Variants in GABRG3 observed in about 807,000 individuals in gnomAD.
GABRG3 encodes the protein gamma-aminobutyric acid receptor subunit gamma-3.
In GABRG3, 25 loss-of-function variants were observed where a neutral mutation model predicts 48.8. That is an observed-to-expected ratio of 0.51 (90% confidence interval 0.37 to 0.72). The LOEUF is 0.72. Among genes scored for constraint, GABRG3 ranks in the 30% least tolerant of loss-of-function variants. The pLI, the probability that GABRG3 is intolerant of heterozygous loss-of-function variation, is 0.00. For missense variants in GABRG3, 394 were observed against 577.9 expected (o/e 0.68, Z 3.26); for synonymous variants, 227 against 217.6 (o/e 1.04, Z -0.38).
rs1200473359 is a variant in GABRG3, at chr15:27,307,846, C to CATAT, written c.271-18961_271-18960insATAT. Among the ~76,000 whole-genome samples the CATAT allele has an allele frequency of 8.4e-3, 1,034 of 122,810 alleles. 28 individuals are homozygous for CATAT. The highest frequency in any genetic ancestry group is 0.05 in the East Asian group (201 of 4,046). The allele number at this position is 122,810 out of a possible 152,430, so 80.6% of individuals were successfully genotyped here. A position where few individuals can be genotyped will look rare whatever the true frequency, so the allele number is the denominator to read the frequency against. ...TAAACATAAACATATATAAAATAAA[C>CATAT]ATGTTTATATATAAATATATATAAA... On this transcript the variant is annotated intron_variant, in intron 3 of 9. Transcript: ENST00000615808.
intron 3 of GABRG3, among the ~76,000 whole-genome samples, chr15:27,175,616 T>TC: frequency 6.6e-6 from 1 of 152,328 alleles, no homozygotes; most frequent in South Asian, 2.1e-4. Context: ...CATGAGGCTC[T>TC]CACGGGGACA....
intron 3 of GABRG3, among the ~76,000 whole-genome samples, chr15:27,226,355 A>G (rs1889615505): frequency 6.6e-6 from 1 of 152,148 alleles, no homozygotes. Context: ...GGAGGATGAC[A>G]TGAGCTTTGT....
At chr15:27,240,098 A>G (rs780860751) in intron 3 of GABRG3, among the ~76,000 whole-genome samples, 11 of 152,244 alleles carry the variant, frequency 7.2e-5, no homozygotes, top group Non-Finnish European at 1.5e-4. Context: ...AAACTTCAGT[A>G]TGGCAGCCTA....
intron 6 of GABRG3, among the ~76,000 whole-genome samples, chr15:27,512,211 T>C (rs1165981889): frequency 6.6e-6 from 1 of 152,224 alleles, no homozygotes; most frequent in Non-Finnish European, 1.5e-5. Context: ...ACAATTATTA[T>C]TATATTGCAA....
intron 6 of GABRG3, among the ~76,000 whole-genome samples, chr15:27,500,945 A>AACGT (rs1407000528): frequency 6.9e-6 from 1 of 144,072 alleles, no homozygotes; most frequent in African/African-American, 2.7e-5. Context: ...AATAGGAAGT[A>AACGT]ACGTATGTTT....
At chr15:27,527,655 C>T (rs1405924855) in intron 8 of GABRG3, 26 bp downstream of exon 8, 2 of 1,578,344 alleles carry the variant, frequency 1.3e-6, no homozygotes, top group Non-Finnish European at 8.6e-7. Context: ...AAAGGTTCTC[C>T]GGGAGGTAAT....
chr15:27,374,333 G>A (rs1312748013), intron 5 of GABRG3, among the ~76,000 whole-genome samples: 3 of 151,634 alleles, frequency 2.0e-5, no homozygotes, highest in African/African-American at 7.3e-5. Context: ...GTTTCACAGT[G>A]TTGCCCAGGC....
At position 27,538,639 on chromosome 15, in the gene GABRG3, T is replaced by G. The variant is rs1203359992; in HGVS notation, c.*5758T>G. The G allele has an allele frequency of 2.0e-5, 3 of 152,244 alleles. No individual in the cohort carries two copies. The highest frequency in any genetic ancestry group is 2.9e-5 in the Non-Finnish European group (2 of 68,054). 9.4% of individuals were successfully genotyped at this position (152,244 alleles called of 1,614,324 possible). A position where few individuals can be genotyped will look rare whatever the true frequency, so the allele number is the denominator to read the frequency against. On this transcript the variant is annotated 3_prime_UTR_variant, in exon 10 of 10. Coordinates refer to ENST00000615808, the MANE Select transcript of GABRG3 (RefSeq NM_033223.5). The stretch of plus-strand genomic sequence containing the variant: ...GAGCCTCTATGTCTGCCGAACAGTT[T>G]AAATTGAACAGGTTGGAAAGAACAT...
intron 5 of GABRG3, among the ~76,000 whole-genome samples, chr15:27,394,571 T>G (rs1404012967): frequency 6.6e-6 from 1 of 152,176 alleles, no homozygotes; most frequent in Non-Finnish European, 1.5e-5. Context: ...GGCTTCTGAT[T>G]ACTCTGTCTA....
At chr15:27,187,585 A>T (rs971571662) in intron 3 of GABRG3, among the ~76,000 whole-genome samples, 37 of 152,026 alleles carry the variant, frequency 2.4e-4, no homozygotes, top group African/African-American at 8.7e-4. Flanking sequence ...GATTTCTTTC[A>T]TCAACGTTTT....
chr15:27,339,704 C>T (rs1378297023), intron 5 of GABRG3, among the ~76,000 whole-genome samples: 1 of 152,196 alleles, frequency 6.6e-6, no homozygotes, highest in Non-Finnish European at 1.5e-5. Context: ...CACAGGATTG[C>T]GCTGGTTCCT....
chr15:27,273,959 C>T (rs1026555538), intron 3 of GABRG3, among the ~76,000 whole-genome samples: 4 of 152,262 alleles, frequency 2.6e-5, no homozygotes, highest in East Asian at 1.9e-4. Context: ...TAGTCAAGCT[C>T]CTTTCTAAAG....
chr15:27,316,889 A>G (rs1279130900), intron 3 of GABRG3, among the ~76,000 whole-genome samples: 1 of 152,094 alleles, frequency 6.6e-6, no homozygotes. Flanking sequence ...AAATATTTGC[A>G]GAGAATCTGA....
chr15:27,355,262 G>A (rs1485229068), intron 5 of GABRG3, among the ~76,000 whole-genome samples: 1 of 152,194 alleles, frequency 6.6e-6, no homozygotes, highest in Non-Finnish European at 1.5e-5. Context: ...ATTAAAGCAT[G>A]TGAGTGTGCA....
chr15:27,224,855 A>ATGCGG, intron 3 of GABRG3, among the ~76,000 whole-genome samples: 6 of 152,172 alleles, frequency 3.9e-5, no homozygotes, highest in African/African-American at 1.2e-4. Flanking sequence ...TTCATTCACA[A>ATGCGG]GGCTAAGCAT....
At chr15:27,532,230 C>T (rs144596890) in intron 9 of GABRG3, among the ~76,000 whole-genome samples, 5 of 151,880 alleles carry the variant, frequency 3.3e-5, no homozygotes, top group African/African-American at 4.8e-5. Flanking sequence ...ATTAATAATC[C>T]GGGAAATACA....
chr15:27,523,149 T>C (rs1891196679), intron 7 of GABRG3, among the ~76,000 whole-genome samples: 1 of 151,956 alleles, frequency 6.6e-6, no homozygotes, highest in South Asian at 2.1e-4. Flanking sequence ...TAGGATTATA[T>C]TAGATTAGAT....
intron 5 of GABRG3, among the ~76,000 whole-genome samples, chr15:27,405,942 G>T (rs1887621382): frequency 6.6e-6 from 1 of 152,084 alleles, no homozygotes; most frequent in Non-Finnish European, 1.5e-5. Context: ...AAGACACAAA[G>T]ATGGGGCATG....
chr15:27,397,606 T>G (rs1887344985), intron 5 of GABRG3, among the ~76,000 whole-genome samples: 1 of 152,188 alleles, frequency 6.6e-6, no homozygotes, highest in Non-Finnish European at 1.5e-5. Flanking sequence ...CTCTGAAATT[T>G]GCCTCCGCCT....
Sources: allele counts gnomAD v4.1 joint callset (sites outside exome capture counted in the v4.1 genomes callset), GRCh38; gene constraint gnomAD v4.1.1; transcripts MANE v1.5; gene names NCBI Gene and HGNC (gene_info 2026-07-23, HGNC 2026-07-21).